NUP205: variants seen among roughly 807,000 people sequenced by gnomAD.
The protein encoded by NUP205 is nuclear pore complex protein Nup205.
In NUP205, 76 loss-of-function variants were observed where a neutral mutation model predicts 253.8. The ratio of observed to expected loss-of-function variants is 0.30; its 90% CI spans 0.25 to 0.36. The LOEUF (loss-of-function observed/expected upper bound fraction) is 0.36, where lower values mean the gene tolerates loss of function less well. Among genes scored for constraint, NUP205 ranks in the 10% least tolerant of loss-of-function variants. NUP205 has a pLI of 1.00. For missense variants in NUP205, 2,162 were observed against 2,425.5 expected (o/e 0.89, Z 2.28); for synonymous variants, 832 against 850.1 (o/e 0.98, Z 0.37).
chr7:135,646,108 G>A (rs751845335), intron 41 of NUP205, 50 bp from the exon 42 acceptor site: 2 of 1,158,922 alleles, frequency 1.7e-6, no homozygotes, highest in South Asian at 1.2e-5. Flanking sequence ...TCCACTGTGT[G>A]GTAGATAGGT....
chr7:135,588,666 C>T (rs1390221492), intron 10 of NUP205, among the ~76,000 whole-genome samples: 1 of 150,944 alleles, frequency 6.6e-6, no homozygotes, highest in African/African-American at 2.4e-5. Flanking sequence ...CTTCCCAAAG[C>T]AGTGGGATTA....
At chr7:135,578,052 T>TG (rs1370055867) in intron 6 of NUP205, 28 bp downstream of exon 6, 1 of 1,511,962 alleles carries the variant, frequency 6.6e-7, no homozygotes, top group Non-Finnish European at 9.2e-7. Flanking sequence ...TTTTCCTACA[T>TG]TAAAAAAATC....
intron 38 of NUP205, among the ~76,000 whole-genome samples, chr7:135,639,104 G>C (rs1192129856): frequency 2.0e-5 from 3 of 152,076 alleles, no homozygotes; most frequent in African/African-American, 7.3e-5. Context: ...ATACTAATTA[G>C]GCCAACTTAC....
intron 28 of NUP205, 147 bp downstream of exon 28, chr7:135,618,750 G>GTA (rs1794410695): frequency 3.0e-6 from 2 of 664,510 alleles, no homozygotes; most frequent in East Asian, 2.8e-5. Flanking sequence ...TTGAGAAAGG[G>GTA]ATTAATTCTG....
intron 20 of NUP205, 80 bp downstream of exon 20, chr7:135,606,306 T>A: frequency 1.1e-6 from 1 of 938,894 alleles, no homozygotes; most frequent in East Asian, 2.4e-5. Flanking sequence ...CTTGTAATTG[T>A]TAACTGTTTT....
chr7:135,593,485 A>G (rs528651006), intron 12 of NUP205, among the ~76,000 whole-genome samples: 7 of 152,364 alleles, frequency 4.6e-5, no homozygotes, highest in African/African-American at 1.7e-4. Context: ...CTAGGTTTCC[A>G]GCATAAGTGT....
intron 7 of NUP205, among the ~76,000 whole-genome samples, chr7:135,580,294 A>T (rs539476543): frequency 2.0e-5 from 3 of 152,260 alleles, no homozygotes; most frequent in East Asian, 1.9e-4. Context: ...GTTAATTTCT[A>T]TCTGTCTGTC....
intron 35 of NUP205, among the ~76,000 whole-genome samples, chr7:135,631,173 A>G (rs754999959): frequency 5.3e-5 from 8 of 152,122 alleles, no homozygotes; most frequent in Non-Finnish European, 8.8e-5. Context: ...TTTAAAAAAC[A>G]AATATTTAAT....
chr7:135,559,884 A>G, intron 1 of NUP205, among the ~76,000 whole-genome samples: 1 of 143,182 alleles, frequency 7.0e-6, no homozygotes. Flanking sequence ...TTTGAGATGG[A>G]GTCTCACTCT....
chr7:135,601,095 T>A (rs530952528), intron 16 of NUP205, 126 bp downstream of exon 16: 1 of 607,626 alleles, frequency 1.6e-6, no homozygotes, highest in African/African-American at 1.9e-5. Flanking sequence ...TTCATTGTTT[T>A]AATCATTTTA....
chr7:135,632,665 C>T (rs1424212501), intron 35 of NUP205, among the ~76,000 whole-genome samples: 1 of 151,914 alleles, frequency 6.6e-6, no homozygotes, highest in Admixed American at 6.6e-5. Context: ...TTCCACCCAG[C>T]CTGTGGTGTG....
intron 42 of NUP205, 27 bp downstream of exon 42, chr7:135,646,258 AT>A (rs778372592): frequency 1.3e-6 from 2 of 1,514,240 alleles, no homozygotes; most frequent in South Asian, 2.3e-5. Flanking sequence ...ATATTCTTTT[AT>A]TTTTCTTCAT....
At chr7:135,571,642 G>T (rs1175439602) in intron 2 of NUP205, among the ~76,000 whole-genome samples, 2 of 152,126 alleles carry the variant, frequency 1.3e-5, no homozygotes, top group African/African-American at 4.8e-5. Flanking sequence ...CAGGCATGCA[G>T]TGTGAAATAA....
chr7:135,613,225 A>G (rs1372584596), intron 22 of NUP205, among the ~76,000 whole-genome samples: 1 of 151,726 alleles, frequency 6.6e-6, no homozygotes, highest in African/African-American at 2.4e-5. Context: ...GTCTTTTACC[A>G]TATGGGCTAC....
chr7:135,648,659 A>AT lies in NUP205; in HGVS notation c.*106dup. 2.0e-6 allele frequency: 2 copies of AT among 993,974 alleles called. No individual in the cohort carries two copies. The highest frequency in any genetic ancestry group is 6.2e-5 in the South Asian group (2 of 32,190). The allele number at this position is 993,974 out of a possible 1,614,324, so 61.6% of individuals were successfully genotyped here. On this transcript the variant is annotated 3_prime_UTR_variant, in exon 43 of 43. Coordinates refer to ENST00000285968, the MANE Select transcript of NUP205 (RefSeq NM_015135.3). Reference sequence around the variant, plus strand: ...AAATTATGACCAAAAATATTTTGCTATTTCTTTCTTTGTATATGGACATCT... The same window carrying AT: ...AAATTATGACCAAAAATATTTTGCTATTTTCTTTCTTTGTATATGGACATCT...
At chr7:135,573,589 G>A in intron 2 of NUP205, 65 bp from the exon 3 acceptor site, 1 of 1,220,588 alleles carries the variant, frequency 8.2e-7, no homozygotes, top group Non-Finnish European at 1.2e-6. Flanking sequence ...GCTTCTGTAG[G>A]TAACACTTTG....
Position 135,606,837 on chromosome 7 carries a change from A to G in NUP205, c.2992A>G (p.Asn998Asp), listed in dbSNP as rs1394218494. The change falls in exon 21 of 43, where the codon AAT becomes GAT. Residue 998 changes from asparagine (N) to aspartate (D), a missense_variant. Physicochemically the swap from Asn to Asp is conservative, Grantham distance 23. Around this residue, in one of 5 missense-constraint regions of NUP205, gnomAD observed 1,144 missense variants for 1,280.9 expected, o/e 0.89. Coordinates refer to ENST00000285968, the MANE Select transcript of NUP205 (RefSeq NM_015135.3). ...TCTTCTCATTACCTCTCTGGAATGC[A>G]ATCCACCCAATCTTGCTCTCTACCT... ...LNLLITSLEC[N>D]PPNLALYLLG... is the part of the protein sequence containing the mutation. 6.2e-7 allele frequency: 1 copy of G among 1,613,646 alleles called. No homozygotes were observed. The highest frequency in any genetic ancestry group is 8.5e-7 in the Non-Finnish European group (1 of 1,179,662).
rs775795834 is a variant in NUP205 at position 135,603,612 on chromosome 7, C to G, written c.2702+618C>G. ...GCAACCTTCGCCTCCCAGGCTCAGG[C>G]GATTCTCCCACCTCAGCCTCCCCAG... is the stretch of plus-strand genomic sequence containing the variant. On this transcript the variant is annotated intron_variant, in intron 18 of 42. Coordinates refer to ENST00000285968, the MANE Select transcript of NUP205 (RefSeq NM_015135.3). Among the ~76,000 whole-genome samples, 11 of 147,234 alleles carry G rather than the reference C, an allele frequency of 7.5e-5. No individual in the cohort carries two copies. In the East Asian group the frequency reaches 1.8e-3, roughly 24 times the overall value.
chr7:135,622,226 C>T (rs1794486381), intron 30 of NUP205, among the ~76,000 whole-genome samples: 1 of 151,500 alleles, frequency 6.6e-6, no homozygotes, highest in Non-Finnish European at 1.5e-5. Flanking sequence ...AGATCAAGAC[C>T]ATCCTGGCCA....
Sources: gnomAD v4.1 joint callset for allele counts (sites outside exome capture counted in the v4.1 genomes callset) on GRCh38, gnomAD v4.1.1 for gene constraint, gnomAD v4.1.1 regional missense constraint, MANE v1.5 for transcripts, NCBI Gene and HGNC (gene_info 2026-07-23, HGNC 2026-07-21) for gene names.